Variants in ANAPC5 observed in about 807,000 individuals in gnomAD.
ANAPC5 encodes the protein anaphase promoting complex subunit 5.
In ANAPC5, 60 loss-of-function variants were observed where a neutral mutation model predicts 91.3. The observed-to-expected ratio is 0.66, with a 90% CI of 0.53 to 0.81. The LOEUF (loss-of-function observed/expected upper bound fraction) is 0.81, where lower values mean the gene tolerates loss of function less well. Among genes scored for constraint, ANAPC5 ranks in the 40% least tolerant of loss-of-function variants. The pLI is 0.00. For missense variants in ANAPC5, 690 were observed against 931.5 expected (o/e 0.74, Z 3.37); for synonymous variants, 340 against 364.1 (o/e 0.93, Z 0.75).
At chr12:121,328,279 T>TA (rs782741112) in intron 10 of ANAPC5, 37 bp downstream of exon 10, 1 of 1,605,778 alleles carries the variant, frequency 6.2e-7, no homozygotes, top group Admixed American at 1.7e-5. Flanking sequence ...TGCTTCTCTC[T>TA]AAAGAATTCA....
chr12:121,352,172 G>C lies in ANAPC5; in HGVS notation c.169C>G (p.Arg57Gly), dbSNP rs1363622180. The C allele has an allele frequency of 6.2e-7, 1 of 1,612,456 alleles. No individual in the cohort carries two copies. Among genetic ancestry groups the C allele is most frequent in the Non-Finnish European group, 8.5e-7 (1 of 1,178,802 alleles). Reference sequence around the variant, plus strand: ...AGGAGCAGCTGGTTGAGCCTCCGCCGCTCCATGAGGCTGACGGCGCCCTCG... The same window carrying C: ...AGGAGCAGCTGGTTGAGCCTCCGCCCCTCCATGAGGCTGACGGCGCCCTCG... ...TGEGAVSLME[R>G]RRLNQLLLPL... Residue 57 changes from arginine (R) to glycine (G), a missense_variant, in exon 1 of 17, where the codon CGG (arginine) becomes GGG (glycine). Arg to Gly is a moderately radical substitution (Grantham distance 125). Coordinates refer to ENST00000261819, the MANE Select transcript of ANAPC5 (RefSeq NM_016237.5).
intron 5 of ANAPC5, among the ~76,000 whole-genome samples, chr12:121,339,889 T>C (rs1392367428): frequency 6.7e-6 from 1 of 148,558 alleles, no homozygotes; most frequent in Non-Finnish European, 1.5e-5. Context: ...TTTTTTTTTT[T>C]TTCCCAGATG....
chr12:121,329,443 C>T (rs189904583), intron 9 of ANAPC5, among the ~76,000 whole-genome samples: 14 of 152,210 alleles, frequency 9.2e-5, no homozygotes, highest in South Asian at 6.2e-4. Flanking sequence ...TGAGCCACCA[C>T]GCCAGGCCGA....
intron 11 of ANAPC5, among the ~76,000 whole-genome samples, chr12:121,323,719 G>A (rs1007264893): frequency 3.9e-5 from 6 of 152,100 alleles, no homozygotes; most frequent in African/African-American, 1.2e-4. Flanking sequence ...CTACATAGAC[G>A]CTCAGGCCAC....
At position 121,338,449 on chromosome 12, in the gene ANAPC5, T is replaced by C. The variant is rs970158300; in HGVS notation, c.658-1057A>G. On this transcript the variant is annotated intron_variant, in intron 5 of 16. Transcript: ENST00000261819. ...CTAAAGATACAAAACATTAGCCGGG[T>C]GTGGTGGCGCACACCTGTAATCCTA... Among the ~76,000 whole-genome samples, 8 of 151,560 alleles carry C rather than the reference T, an allele frequency of 5.3e-5. 1 individual carries two copies. The highest frequency in any genetic ancestry group is 4.2e-4 in the South Asian group (2 of 4,768).
At chr12:121,312,345 C>G (rs1049026795) in intron 15 of ANAPC5, among the ~76,000 whole-genome samples, 15 of 151,910 alleles carry the variant, frequency 9.9e-5, no homozygotes, top group Admixed American at 9.8e-4. Flanking sequence ...GGGTGGATCA[C>G]CTGAGGGCAG....
At chr12:121,312,685 C>T (rs4980992) in intron 15 of ANAPC5, among the ~76,000 whole-genome samples, 39 of 129,764 alleles carry the variant, frequency 3.0e-4, no homozygotes, top group South Asian at 1.9e-3. Context: ...CCAGCCTAGG[C>T]GACAGAGCGA....
Position 121,350,409 on chromosome 12 carries a change from C to T in ANAPC5, c.207+1725G>A, listed in dbSNP as rs143351072. 5.3e-5 allele frequency among the ~76,000 whole-genome samples: 8 copies of T among 152,252 alleles called. No homozygotes were observed. The East Asian group carries it at 1.5e-3, about 29-fold the overall frequency. ...CTGTAAGAAATCCTCGGGCCGGGCG[C>T]GGTGGCTCATGCCTGTAATCCCAGC... is the stretch of plus-strand genomic sequence containing the variant. On this transcript the variant is annotated intron_variant, in intron 1 of 16. Transcript: ENST00000261819.
Position 121,352,113 on chromosome 12 carries a change from G to A in ANAPC5, c.207+21C>T, listed in dbSNP as rs1903915330. On this transcript the variant is annotated intron_variant, in intron 1 of 16. Coordinates refer to ENST00000261819, the MANE Select transcript of ANAPC5 (RefSeq NM_016237.5). ...CAGTAAAAGTTTGCTGCACGAGCAG[G>A]AGCCAGCGGGCGCCTCTCACCTGCA... 5 of 1,589,060 alleles carry A rather than the reference G, an allele frequency of 3.1e-6. No homozygotes were observed. In the Admixed American group the frequency reaches 5.2e-5, roughly 16 times the overall value.
chr12:121,335,630 C>A lies in ANAPC5; in HGVS notation c.853G>T (p.Gly285Ter). ...TCCCCATTACTTTTGCTTTCGGCTC[C>A]GGTAAGAATCAGACGATCAAAATAA... ...LHYFDRLILT[G>*]AESKSNGEEG... Residue 285 changes from glycine to a stop codon, truncating the protein, a stop_gained, in exon 7 of 17, where the codon GGA becomes TGA. Coordinates refer to ENST00000261819, the MANE Select transcript of ANAPC5 (RefSeq NM_016237.5). LOFTEE classifies it high-confidence loss of function. 1 of 1,613,978 alleles carries A rather than the reference C, an allele frequency of 6.2e-7. No homozygotes were observed.
chr12:121,344,865 G>C (rs1566196843), intron 4 of ANAPC5, among the ~76,000 whole-genome samples: 1 of 152,248 alleles, frequency 6.6e-6, no homozygotes, highest in Non-Finnish European at 1.5e-5. Flanking sequence ...TACAGGCACT[G>C]AGGCCATGGT....
intron 4 of ANAPC5, among the ~76,000 whole-genome samples, chr12:121,344,326 C>T (rs782330075): frequency 1.3e-5 from 2 of 152,098 alleles, no homozygotes; most frequent in African/African-American, 4.8e-5. Flanking sequence ...CGCCTGTAAT[C>T]CCAGCACTTT....
At position 121,330,643 on chromosome 12, in the gene ANAPC5, T is replaced by C. The variant is rs782488179; in HGVS notation, c.1062A>G (p.Arg354=). ...LSWLYVLGQK[R]SDSYVLLEHS... ...GCTCCAGCAGAACATAGCTATCGGA[T>C]CTCTTCTGCCCCAGCACATAAAGCC... Residue 354 remains arginine, a synonymous_variant, in exon 9 of 17, where the codon AGA becomes AGG. Transcript: ENST00000261819. The C allele has an allele frequency of 3.7e-6, 6 of 1,614,004 alleles. No individual in the cohort carries two copies. Among genetic ancestry groups the C allele is most frequent in the Non-Finnish European group, 5.1e-6 (6 of 1,180,002 alleles).
In ANAPC5 at chr12:121,321,662, C is replaced by T. The variant is rs1294740346; in HGVS notation, c.1441-1203G>A. Among the ~76,000 whole-genome samples, 4 of 151,354 alleles carry T rather than the reference C, an allele frequency of 2.6e-5. 1 individual carries two copies. Among genetic ancestry groups the T allele is most frequent in the African/African-American group, 7.3e-5 (3 of 41,136 alleles). On this transcript the variant is annotated intron_variant, in intron 11 of 16. Coordinates refer to ENST00000261819, the MANE Select transcript of ANAPC5 (RefSeq NM_016237.5). The stretch of plus-strand genomic sequence containing the variant: ...TTCTGATGTCTTAGCCCCCACCTCC[C>T]GAGTAGCTGGAATTACAGGTGCGCG...
intron 2 of ANAPC5, chr12:121,347,311 A>G: frequency 2.9e-6 from 1 of 343,674 alleles, no homozygotes; most frequent in Non-Finnish European, 5.3e-6. Context: ...TGGGGAAAAA[A>G]GCTATAAAAC....
At chr12:121,340,217 C>T (rs572538300) in intron 5 of ANAPC5, among the ~76,000 whole-genome samples, 55 of 149,634 alleles carry the variant, frequency 3.7e-4, no homozygotes, top group African/African-American at 1.3e-3. Context: ...ACTTAGGAGG[C>T]TGAGGCAGGA....
chr12:121,316,448 T>C (rs776672836), intron 15 of ANAPC5, among the ~76,000 whole-genome samples: 27 of 151,976 alleles, frequency 1.8e-4, no homozygotes, highest in Non-Finnish European at 2.6e-4. Context: ...AAACAGGTAT[T>C]CAACCCCGGG....
At chr12:121,343,686 T>C (rs116961756) in intron 4 of ANAPC5, among the ~76,000 whole-genome samples, 8 of 152,172 alleles carry the variant, frequency 5.3e-5, no homozygotes, top group Non-Finnish European at 1.0e-4. Context: ...AAACTACTCA[T>C]AGAAAGTGCG....
chr12:121,334,922 A>T (rs1903171745), intron 7 of ANAPC5: 1 of 152,312 alleles, frequency 6.6e-6, no homozygotes, highest in Admixed American at 6.5e-5. Context: ...AGGCACTAAG[A>T]CGGCAATGTT....
Sources: allele counts gnomAD v4.1 joint callset (sites outside exome capture counted in the v4.1 genomes callset), GRCh38; gene constraint gnomAD v4.1.1; transcripts MANE v1.5; gene names NCBI Gene and HGNC (gene_info 2026-07-23, HGNC 2026-07-21).